SPTLC3: variants seen among roughly 807,000 people sequenced by gnomAD.
SPTLC3 encodes the protein serine palmitoyltransferase 3.
SPTLC3 carries 36 observed loss-of-function variants against 59.3 expected under a neutral mutation model. The observed-to-expected ratio is 0.61, with a 90% CI of 0.47 to 0.80. SPTLC3 has a LOEUF of 0.80. Ranked by LOEUF, SPTLC3 falls within the 30% of genes least tolerant of loss-of-function variation. SPTLC3 has a pLI of 0.00. For missense variants in SPTLC3, 625 were observed against 685.1 expected (o/e 0.91, Z 0.98); for synonymous variants, 257 against 240.8 (o/e 1.07, Z -0.62).
chr20:13,079,563 G>A (rs1274110804), intron 4 of SPTLC3, among the ~76,000 whole-genome samples: 3 of 152,232 alleles, frequency 2.0e-5, no homozygotes, highest in African/African-American at 7.2e-5. Flanking sequence ...AATATCAAAT[G>A]AGTAAAATGA....
rs1335735608 is a variant in SPTLC3, at chr20:13,136,619, A to ATATAT, written c.1279+9902_1279+9903insTATAT. Among the ~76,000 whole-genome samples the ATATAT allele has an allele frequency of 1.3e-4, 12 of 94,248 alleles. 1 individual carries two copies. The East Asian group carries it at 6.2e-3, about 49-fold the overall frequency. 61.8% of individuals were successfully genotyped at this position (94,248 alleles called of 152,430 possible). Reference sequence around the variant, plus strand: ...CATCTAAAAACATATATATATATATAATATACATATAAAAATTATATACAT... The same window carrying ATATAT: ...CATCTAAAAACATATATATATATATATATATATATACATATAAAAATTATATACAT... On this transcript the variant is annotated intron_variant, in intron 9 of 11. Coordinates refer to ENST00000399002, the MANE Select transcript of SPTLC3 (RefSeq NM_018327.4).
At chr20:13,126,157 G>A (rs2037984605) in intron 8 of SPTLC3, among the ~76,000 whole-genome samples, 1 of 152,154 alleles carries the variant, frequency 6.6e-6, no homozygotes, top group African/African-American at 2.4e-5. Context: ...GCATGTCCTA[G>A]TTTGCATGGA....
chr20:13,121,288 A>G (rs1171363869), intron 8 of SPTLC3, among the ~76,000 whole-genome samples: 1 of 152,184 alleles, frequency 6.6e-6, no homozygotes, highest in Non-Finnish European at 1.5e-5. Context: ...GAACTGGGAC[A>G]GGGCAGACAA....
intron 1 of SPTLC3, among the ~76,000 whole-genome samples, chr20:13,025,629 TTGCAAG>T (rs1986103936): frequency 6.6e-6 from 1 of 152,202 alleles, no homozygotes; most frequent in African/African-American, 2.4e-5. Flanking sequence ...ATATTGACCC[TTGCAAG>T]AATCTGCCTT....
At chr20:13,075,136 A>C (rs868148202) in intron 4 of SPTLC3, among the ~76,000 whole-genome samples, 1,228 of 55,536 alleles carry the variant, frequency 0.022, 10 homozygotes, top group African/African-American at 0.068. Context: ...CATTTATTCA[A>C]AAAAAAAAAA....
chr20:13,038,964 A>G (rs1986856836), intron 1 of SPTLC3, among the ~76,000 whole-genome samples: 1 of 151,890 alleles, frequency 6.6e-6, no homozygotes, highest in Non-Finnish European at 1.5e-5. Flanking sequence ...TTTTTCTGTT[A>G]TTGATTTCTA....
At position 13,072,352 on chromosome 20, in the gene SPTLC3, C is replaced by A; in HGVS notation, c.400C>A (p.Pro134Thr). 1 of 1,613,580 alleles carries A rather than the reference C, an allele frequency of 6.2e-7. No individual in the cohort carries two copies. The highest frequency in any genetic ancestry group is 2.2e-5 in the East Asian group (1 of 44,866). Reference sequence around the variant, plus strand: ...CTGGAACCGGCCCATCTGCAGTGCCCCAGGGCCTCTGTTTGATTTGATGGA... The same window carrying A: ...CTGGAACCGGCCCATCTGCAGTGCCACAGGGCCTCTGTTTGATTTGATGGA... ...DNWNRPICSA[P>T]GPLFDLMERV... The change falls in exon 3 of 12, where the codon CCA becomes ACA. Residue 134 changes from proline to threonine, a missense_variant. Pro to Thr is a conservative substitution (Grantham distance 38). Transcript: ENST00000399002.
At chr20:13,102,784 T>A (rs893968967) in intron 6 of SPTLC3, among the ~76,000 whole-genome samples, 2 of 152,196 alleles carry the variant, frequency 1.3e-5, no homozygotes, top group African/African-American at 4.8e-5. Flanking sequence ...ATCTCCTTCC[T>A]GAGGATCAGA....
intron 1 of SPTLC3, among the ~76,000 whole-genome samples, chr20:13,035,524 G>GC (rs1568572180): frequency 6.6e-6 from 1 of 152,116 alleles, no homozygotes; most frequent in African/African-American, 2.4e-5. Context: ...TACACCAGGT[G>GC]CCTTCCGAAA....
chr20:13,084,198 A>G (rs1988934097), intron 4 of SPTLC3, among the ~76,000 whole-genome samples: 1 of 152,176 alleles, frequency 6.6e-6, no homozygotes, highest in Non-Finnish European at 1.5e-5. Flanking sequence ...GAACCTCTCT[A>G]CGAACAAAAG....
At chr20:13,100,440 G>A (rs1279613461) in intron 6 of SPTLC3, among the ~76,000 whole-genome samples, 2 of 152,088 alleles carry the variant, frequency 1.3e-5, no homozygotes, top group African/African-American at 2.4e-5. Context: ...TTCAAAACTG[G>A]GTACTAGAGC....
chr20:13,166,734 G>A lies in SPTLC3; in HGVS notation c.*1867G>A, dbSNP rs2038989354. ...GATATCTAGTCCTTCCACAAGGTAT[G>A]GAAAGCAATAAACATCTTCCTTTCT... is the stretch of plus-strand genomic sequence containing the variant. On this transcript the variant is annotated 3_prime_UTR_variant, in exon 12 of 12. Coordinates refer to ENST00000399002, the MANE Select transcript of SPTLC3 (RefSeq NM_018327.4). The A allele has an allele frequency of 6.6e-6, 1 of 152,146 alleles. No individual in the cohort carries two copies. Among genetic ancestry groups the A allele is most frequent in the Non-Finnish European group, 1.5e-5 (1 of 68,026 alleles). The allele number at this position is 152,146 out of a possible 1,614,324, so 9.4% of individuals were successfully genotyped here. A position where few individuals can be genotyped will look rare whatever the true frequency, so the allele number is the denominator to read the frequency against.
At chr20:13,011,655 C>A (rs1413716845) in intron 1 of SPTLC3, among the ~76,000 whole-genome samples, 1 of 152,126 alleles carries the variant, frequency 6.6e-6, no homozygotes, top group Non-Finnish European at 1.5e-5. Flanking sequence ...TCAAGGCTGG[C>A]AAGGACCAGA....
At position 13,009,263 on chromosome 20, in the gene SPTLC3, C is replaced by A. The variant is rs1412954851; in HGVS notation, c.-5C>A. The A allele has an allele frequency of 6.2e-7, 1 of 1,613,444 alleles. No individual in the cohort carries two copies. Among genetic ancestry groups the A allele is most frequent in the Non-Finnish European group, 8.5e-7 (1 of 1,179,498 alleles). ...ACCTGTCCCGGGCTCTGTCACTTCACACCCATGGCTAACCCTGGAGGTGGT... is the reference window on the plus strand; with the variant it reads ...ACCTGTCCCGGGCTCTGTCACTTCAAACCCATGGCTAACCCTGGAGGTGGT... On this transcript the variant is annotated 5_prime_UTR_variant, in exon 1 of 12. Coordinates refer to ENST00000399002, the MANE Select transcript of SPTLC3 (RefSeq NM_018327.4).
intron 4 of SPTLC3, 52 bp from the exon 5 acceptor site, chr20:13,091,031 C>T: frequency 6.2e-7 from 1 of 1,603,364 alleles, no homozygotes; most frequent in Non-Finnish European, 8.5e-7. Context: ...AGTTTTCAAT[C>T]TTGGCCTTGT....
intron 2 of SPTLC3, among the ~76,000 whole-genome samples, chr20:13,071,330 C>T (rs368020122): frequency 7.9e-5 from 12 of 152,260 alleles, no homozygotes; most frequent in East Asian, 1.9e-4. Context: ...CTCTAGCTCA[C>T]GGAAAATGTC....
intron 9 of SPTLC3, among the ~76,000 whole-genome samples, chr20:13,146,819 G>T (rs527857576): frequency 6.6e-6 from 1 of 152,094 alleles, no homozygotes; most frequent in Non-Finnish European, 1.5e-5. Context: ...TGGAATTCAC[G>T]CCTCATCATG....
intron 3 of SPTLC3, among the ~76,000 whole-genome samples, chr20:13,073,063 C>A (rs1988504811): frequency 6.6e-6 from 1 of 152,124 alleles, no homozygotes; most frequent in Admixed American, 6.5e-5. Flanking sequence ...ATGCCAGAAT[C>A]ATTTAAATTA....
At chr20:13,075,389 A>G (rs1284025523) in intron 4 of SPTLC3, among the ~76,000 whole-genome samples, 1 of 152,224 alleles carries the variant, frequency 6.6e-6, no homozygotes, top group African/African-American at 2.4e-5. Context: ...TATCATGTTA[A>G]TGAATTATGA....
Sources: allele counts gnomAD v4.1 joint callset (sites outside exome capture counted in the v4.1 genomes callset), GRCh38; gene constraint gnomAD v4.1.1; transcripts MANE v1.5; gene names NCBI Gene and HGNC (gene_info 2026-07-23, HGNC 2026-07-21).